ADAMTSL3: variants seen among roughly 807,000 people sequenced by gnomAD.
The protein encoded by ADAMTSL3 is ADAMTS-like protein 3.
ADAMTSL3 carries 128 observed loss-of-function variants against 201.7 expected under a neutral mutation model. The observed-to-expected ratio is 0.63, with a 90% CI of 0.55 to 0.73. The LOEUF (loss-of-function observed/expected upper bound fraction) is 0.73. ADAMTSL3 is among the 30% of genes least tolerant of loss of function. The pLI is 0.00. For missense variants in ADAMTSL3, 1,990 were observed against 2,119.6 expected (o/e 0.94, Z 1.20); for synonymous variants, 738 against 748.4 (o/e 0.99, Z 0.23).
chr15:83,851,002 T>G (rs1436741918), intron 7 of ADAMTSL3, among the ~76,000 whole-genome samples: 3 of 152,180 alleles, frequency 2.0e-5, no homozygotes, highest in African/African-American at 7.2e-5. Flanking sequence ...CAGCATCACC[T>G]GGGAGGCTGC....
chr15:83,970,780 A>T (rs569145717), intron 20 of ADAMTSL3, 143 bp downstream of exon 20: 3 of 1,060,202 alleles, frequency 2.8e-6, no homozygotes, highest in Non-Finnish European at 4.1e-6. Context: ...TTCGGCAGCG[A>T]TCAGTAGAAC....
intron 3 of ADAMTSL3, among the ~76,000 whole-genome samples, chr15:83,758,475 A>G (rs577937525): frequency 1.3e-5 from 2 of 152,358 alleles, no homozygotes; most frequent in South Asian, 4.1e-4. Flanking sequence ...CATGGGAATT[A>G]TGGGAGCTAC....
chr15:83,739,367 A>G (rs1245204950), intron 3 of ADAMTSL3, among the ~76,000 whole-genome samples: 1 of 150,860 alleles, frequency 6.6e-6, no homozygotes, highest in Non-Finnish European at 1.5e-5. Flanking sequence ...CTTTTTGTAC[A>G]TTGACATGAT....
At chr15:84,017,276 C>T (rs2068103786) in intron 25 of ADAMTSL3, among the ~76,000 whole-genome samples, 1 of 152,116 alleles carries the variant, frequency 6.6e-6, no homozygotes, top group Non-Finnish European at 1.5e-5. Context: ...CGCCACCACG[C>T]CCGGCTAATT....
At chr15:83,660,520 C>A (rs2061148627) in intron 2 of ADAMTSL3, among the ~76,000 whole-genome samples, 1 of 152,128 alleles carries the variant, frequency 6.6e-6, no homozygotes, top group Non-Finnish European at 1.5e-5. Flanking sequence ...TGAGTGTTGC[C>A]CCATGCTGGG....
At chr15:83,914,475 G>T (rs569610049) in intron 16 of ADAMTSL3, among the ~76,000 whole-genome samples, 41 of 152,206 alleles carry the variant, frequency 2.7e-4, no homozygotes, top group African/African-American at 9.2e-4. Flanking sequence ...GCCACTTTTT[G>T]TATAACATTG....
At chr15:83,801,663 T>TAA (rs1370816841) in intron 4 of ADAMTSL3, among the ~76,000 whole-genome samples, 6 of 43,552 alleles carry the variant, frequency 1.4e-4, no homozygotes, top group Non-Finnish European at 2.2e-4. Context: ...TATATATATA[T>TAA]ATATATATAT....
intron 19 of ADAMTSL3, among the ~76,000 whole-genome samples, chr15:83,969,470 G>A (rs1373811188): frequency 6.6e-6 from 1 of 152,010 alleles, no homozygotes; most frequent in African/African-American, 2.4e-5. Context: ...AACAAACAAT[G>A]GACATGCCCA....
chr15:83,827,463 C>G (rs538034355), intron 6 of ADAMTSL3, among the ~76,000 whole-genome samples: 1 of 152,232 alleles, frequency 6.6e-6, no homozygotes, highest in Non-Finnish European at 1.5e-5. Context: ...CTATAGGTTG[C>G]CTGTTCACTC....
At chr15:83,678,477 G>A (rs1005656520) in intron 2 of ADAMTSL3, among the ~76,000 whole-genome samples, 7 of 151,392 alleles carry the variant, frequency 4.6e-5, no homozygotes, top group African/African-American at 1.7e-4. Flanking sequence ...CTGTCTCTGT[G>A]GTTTCAGATG....
intron 6 of ADAMTSL3, among the ~76,000 whole-genome samples, chr15:83,836,996 G>C (rs2064284241): frequency 6.6e-6 from 1 of 152,032 alleles, no homozygotes; most frequent in Non-Finnish European, 1.5e-5. Flanking sequence ...TAAAATATAT[G>C]CTTAAGAAAT....
Position 83,819,963 on chromosome 15 carries a change from G to T in ADAMTSL3, c.516G>T (p.Leu172Phe). 6.2e-7 allele frequency: 1 copy of T among 1,614,156 alleles called. No individual in the cohort carries two copies. Among genetic ancestry groups the T allele is most frequent in the Non-Finnish European group, 8.5e-7 (1 of 1,180,024 alleles). The change falls in exon 6 of 30, where the codon TTG (leucine) becomes TTT (phenylalanine). Residue 172 changes from leucine (L) to phenylalanine (F), a missense_variant. Transcript: ENST00000286744. ...AGTGTCATGCACAAGGACAAAACTT[G>T]GTGGTGGAGCTGGCACCTAAGGTAC... ...ALKCHAQGQNLVVELAPKVLD... is the reference protein window; with the variant it reads ...ALKCHAQGQNFVVELAPKVLD...
At chr15:83,752,171 G>A (rs1012291635) in intron 3 of ADAMTSL3, among the ~76,000 whole-genome samples, 1 of 152,168 alleles carries the variant, frequency 6.6e-6, no homozygotes, top group Non-Finnish European at 1.5e-5. Flanking sequence ...GAAGACAAAA[G>A]TGCTAAAAAG....
At chr15:83,943,807 A>C (rs1025771420) in intron 19 of ADAMTSL3, among the ~76,000 whole-genome samples, 2 of 152,162 alleles carry the variant, frequency 1.3e-5, no homozygotes, top group Non-Finnish European at 2.9e-5. Context: ...TGTTCCCATC[A>C]CTGTGTCCAT....
intron 6 of ADAMTSL3, among the ~76,000 whole-genome samples, chr15:83,828,714 T>G (rs1028107877): frequency 2.0e-5 from 3 of 152,198 alleles, no homozygotes; most frequent in Non-Finnish European, 4.4e-5. Flanking sequence ...AATACCTAAT[T>G]TATTGAGAGT....
At chr15:83,992,966 T>C (rs1043330868) in intron 23 of ADAMTSL3, among the ~76,000 whole-genome samples, 2 of 152,234 alleles carry the variant, frequency 1.3e-5, no homozygotes, top group Non-Finnish European at 2.9e-5. Context: ...AATTGTCCCA[T>C]TTGGCCTTTC....
At chr15:83,835,280 A>G (rs1469977672) in intron 6 of ADAMTSL3, among the ~76,000 whole-genome samples, 1 of 151,348 alleles carries the variant, frequency 6.6e-6, no homozygotes, top group Non-Finnish European at 1.5e-5. Flanking sequence ...ATGATGGGAT[A>G]TGAAAGCCAA....
In ADAMTSL3 at chr15:83,892,702, G is replaced by T; in HGVS notation, c.1281G>T (p.Trp427Cys). 6.2e-7 allele frequency: 1 copy of T among 1,613,734 alleles called. No homozygotes were observed. The highest frequency in any genetic ancestry group is 8.5e-7 in the Non-Finnish European group (1 of 1,179,878). The change falls in exon 13 of 30, where the codon TGG (tryptophan) becomes TGT (cysteine). Residue 427 changes from tryptophan (W) to cysteine (C), a missense_variant. By Grantham distance (215) the Trp-to-Cys change is radical. Transcript: ENST00000286744. ...QPLPRWEHNP[W>C]TACSVSCGGG... ...TTTTGAGCTGGGAACATAATCCTTGGACTGCATGTTCCGTGTCCTGTGGAG... is the reference window on the plus strand; with the variant it reads ...TTTTGAGCTGGGAACATAATCCTTGTACTGCATGTTCCGTGTCCTGTGGAG...
At chr15:84,031,269 G>A (rs2068403892) in intron 27 of ADAMTSL3, 66 bp from the exon 28 acceptor site, 2 of 1,495,498 alleles carry the variant, frequency 1.3e-6, no homozygotes, top group African/African-American at 2.8e-5. Context: ...CTCAGTACAT[G>A]ATCTTAGTAC....
Sources: allele counts gnomAD v4.1 joint callset (sites outside exome capture counted in the v4.1 genomes callset), GRCh38; gene constraint gnomAD v4.1.1; transcripts MANE v1.5; gene names NCBI Gene and HGNC (gene_info 2026-07-23, HGNC 2026-07-21).